CAST: variants seen among roughly 807,000 people sequenced by gnomAD.
CAST encodes the protein MIR583 host.
In CAST, 76 loss-of-function variants were observed where a neutral mutation model predicts 119.6. The ratio of observed to expected loss-of-function variants is 0.64; its 90% CI spans 0.53 to 0.77. CAST has a LOEUF of 0.77. Among genes scored for constraint, CAST ranks in the 30% least tolerant of loss-of-function variants. CAST has a pLI of 0.00. For missense variants in CAST, 953 were observed against 946.5 expected, an observed-to-expected ratio of 1.01 and a Z score of -0.09; for synonymous variants, 319 against 331.6, an observed-to-expected ratio of 0.96 and a Z score of 0.41.
At chr5:96,638,989 C>T (rs1052383642) in intron 1 of CAST, among the ~76,000 whole-genome samples, 1 of 152,242 alleles carries the variant, frequency 6.6e-6, no homozygotes, top group Non-Finnish European at 1.5e-5. Context: ...CACTAGTCCT[C>T]AGAGGTGGCC....
chr5:96,326,255 T>C, the CAST span, among the ~76,000 whole-genome samples: 1 of 152,204 alleles, frequency 6.6e-6, no homozygotes, highest in Non-Finnish European at 1.5e-5. Flanking sequence ...TGTGGTAATC[T>C]CCCTTCTGAT....
the CAST span, among the ~76,000 whole-genome samples, chr5:96,218,775 A>G: frequency 6.6e-6 from 1 of 152,218 alleles, no homozygotes; most frequent in African/African-American, 2.4e-5. Flanking sequence ...TGAAAAGCTC[A>G]CTTCAATAAG....
the CAST span, among the ~76,000 whole-genome samples, chr5:96,285,366 T>G: frequency 1.3e-5 from 2 of 152,344 alleles, no homozygotes; most frequent in Non-Finnish European, 2.9e-5. Context: ...TTTATAAACT[T>G]TAAAGAACTG....
At chr5:96,474,124 A>G in the CAST span, among the ~76,000 whole-genome samples, 3 of 152,166 alleles carry the variant, frequency 2.0e-5, no homozygotes, top group Non-Finnish European at 4.4e-5. Context: ...TTTAAGATGC[A>G]ATTAGGAGCA....
the CAST span, among the ~76,000 whole-genome samples, chr5:96,326,879 C>T: frequency 4.3e-4 from 65 of 152,178 alleles, no homozygotes; most frequent in Admixed American, 9.8e-4. Context: ...AACACTGATT[C>T]AAATGTCAGG....
chr5:96,241,874 G>A, the CAST span, among the ~76,000 whole-genome samples: 4 of 147,120 alleles, frequency 2.7e-5, no homozygotes, highest in Non-Finnish European at 3.0e-5. Context: ...TTTGAGAAGT[G>A]TCTGTTCATG....
At chr5:96,661,855 C>T (rs886888722), upstream of CAST, among the ~76,000 whole-genome samples, 2 of 128,264 alleles carry the variant, frequency 1.6e-5, no homozygotes, top group Non-Finnish European at 3.1e-5. Flanking sequence ...CAGGCGCGTG[C>T]ACGCACGCAC....
the CAST span, among the ~76,000 whole-genome samples, chr5:96,121,319 A>G: frequency 6.6e-6 from 1 of 152,146 alleles, no homozygotes; most frequent in Non-Finnish European, 1.5e-5. Flanking sequence ...CAGAATAGGC[A>G]CATAATAAAT....
At chr5:96,566,419 G>A (rs1202346653) in intron 1 of CAST, among the ~76,000 whole-genome samples, 1 of 152,234 alleles carries the variant, frequency 6.6e-6, no homozygotes, top group African/African-American at 2.4e-5. Context: ...ACAAGGTGAT[G>A]CTAATCTATC....
At chr5:96,218,983 G>A in the CAST span, among the ~76,000 whole-genome samples, 1 of 152,156 alleles carries the variant, frequency 6.6e-6, no homozygotes, top group African/African-American at 2.4e-5. Context: ...GAAAAGTGGA[G>A]ATATTAGGTG....
At chr5:96,355,738 T>C in the CAST span, among the ~76,000 whole-genome samples, 4 of 152,094 alleles carry the variant, frequency 2.6e-5, no homozygotes, top group African/African-American at 9.7e-5. Flanking sequence ...CGTCTTGCTG[T>C]GTCACCAGTC....
Position 96,742,767 on chromosome 5 carries a change from T to TA in CAST, c.1200+12dup, listed in dbSNP as rs1389086796. The TA allele has an allele frequency of 6.3e-7, 1 of 1,591,052 alleles. No individual in the cohort carries two copies. Among genetic ancestry groups the TA allele is most frequent in the East Asian group, 2.2e-5 (1 of 44,728 alleles). On this transcript the variant is annotated intron_variant, in intron 16 of 31. Transcript: ENST00000675179. ...AAGGAAGTCGATGAGGTACTGACCT[T>TA]AGAGTTGATTTACAAAGCTTGTTAG...
intron 1 of CAST, chr5:96,546,336 GGCTCTGCCCAA>G (rs1281054441): frequency 6.6e-6 from 1 of 152,078 alleles, no homozygotes; most frequent in Non-Finnish European, 1.5e-5. Flanking sequence ...TTTACTTATT[GGCTCTGCCCAA>G]GCCTGGTCTT....
At chr5:96,235,871 T>A in the CAST span, among the ~76,000 whole-genome samples, 7 of 152,188 alleles carry the variant, frequency 4.6e-5, no homozygotes, top group Non-Finnish European at 8.8e-5. Context: ...TGCGAGTAAC[T>A]TGGGTTCCCA....
Position 96,765,250 on chromosome 5 carries a change from G to A in CAST, c.1962G>A (p.Leu654=). The stretch of plus-strand genomic sequence containing the variant: ...GTGACAAAGACCTCGATGATGCCTT[G>A]GATAAACTCTCTGACAGTCTAGGAC... ...SQSDKDLDDA[L]DKLSDSLGQR... Residue 654 remains leucine, a synonymous_variant, in exon 26 of 32, where the codon TTG becomes TTA. Transcript: ENST00000675179. 1.9e-6 allele frequency: 3 copies of A among 1,602,200 alleles called. No individual in the cohort carries two copies. The highest frequency in any genetic ancestry group is 2.6e-6 in the Non-Finnish European group (3 of 1,173,416).
In CAST at chr5:96,727,505, C is replaced by T. The variant is rs1581148135; in HGVS notation, c.353C>T (p.Pro118Leu). 2 of 1,559,640 alleles carry T rather than the reference C, an allele frequency of 1.3e-6. No homozygotes were observed. The highest frequency in any genetic ancestry group is 1.7e-6 in the Non-Finnish European group (2 of 1,145,980). ...TGAACTTAGGCTGTAAAAACAGAAC[C>T]TGAGAAGAAGTCACAGTCAACCAAG... ...KHKKQAVKTE[P>L]EKKSQSTKLS... The change falls in exon 6 of 32, where the codon CCT (proline) becomes CTT (leucine). Residue 118 changes from proline (P) to leucine (L), a missense_variant. Transcript: ENST00000675179.
the CAST span, among the ~76,000 whole-genome samples, chr5:96,169,485 C>A: frequency 6.6e-6 from 1 of 152,088 alleles, no homozygotes; most frequent in Admixed American, 6.5e-5. Flanking sequence ...AGGTGCAGAT[C>A]CTGAACTAAC....
the CAST span, among the ~76,000 whole-genome samples, chr5:96,071,276 C>T: frequency 6.6e-6 from 1 of 152,078 alleles, no homozygotes; most frequent in Non-Finnish European, 1.5e-5. Context: ...CCATTTGAGT[C>T]TCAGGTCCCA....
At chr5:96,442,121 T>C in the CAST span, among the ~76,000 whole-genome samples, 4 of 152,298 alleles carry the variant, frequency 2.6e-5, no homozygotes, top group East Asian at 7.7e-4. Flanking sequence ...ACACCAGAAC[T>C]CAGGTCTGTA....
Sources: gnomAD v4.1 joint callset for allele counts (sites outside exome capture counted in the v4.1 genomes callset) on GRCh38, gnomAD v4.1.1 for gene constraint, MANE v1.5 for transcripts, NCBI Gene and HGNC (gene_info 2026-07-23, HGNC 2026-07-21) for gene names.